LPP: variants seen among roughly 807,000 people sequenced by gnomAD.
The protein encoded by LPP is LIM domain containing preferred translocation partner in lipoma.
In LPP, 38 loss-of-function variants were observed where a neutral mutation model predicts 60.4. The observed-to-expected ratio is 0.63, with a 90% CI of 0.49 to 0.83. LPP has a LOEUF of 0.83. LPP is among the 40% of genes least tolerant of loss of function. The probability of loss-of-function intolerance (pLI) is 0.00; values close to 1 mark genes in which losing one functional copy is unlikely to be tolerated. For synonymous variants in LPP, 328 were observed against 290.8 expected (o/e 1.13, Z -1.30); for missense variants, 902 against 783.6 (o/e 1.15, Z -1.80).
chr3:188,821,858 A>G (rs1032709439), intron 9 of LPP, among the ~76,000 whole-genome samples: 1 of 152,056 alleles, frequency 6.6e-6, no homozygotes, highest in African/African-American at 2.4e-5. Flanking sequence ...TTACATATTA[A>G]TGTTGCAGAC....
intron 7 of LPP, among the ~76,000 whole-genome samples, chr3:188,644,222 A>T (rs1043766520): frequency 3.9e-5 from 6 of 152,224 alleles, no homozygotes; most frequent in African/African-American, 1.4e-4. Context: ...GGTTTGAAAG[A>T]ACAAAAGGAT....
intron 3 of LPP, among the ~76,000 whole-genome samples, chr3:188,372,919 C>T (rs1013922665): frequency 2.0e-5 from 3 of 152,106 alleles, no homozygotes; most frequent in South Asian, 4.2e-4. Context: ...CATGTGTTCT[C>T]ATTGTTCAAT....
chr3:188,318,550 G>A (rs1755832931), intron 2 of LPP, among the ~76,000 whole-genome samples: 1 of 151,916 alleles, frequency 6.6e-6, no homozygotes, highest in Non-Finnish European at 1.5e-5. Context: ...TGTAAACTCG[G>A]CTCATATAAT....
intron 9 of LPP, among the ~76,000 whole-genome samples, chr3:188,786,080 A>C (rs1337306337): frequency 6.6e-6 from 1 of 152,062 alleles, no homozygotes; most frequent in Admixed American, 6.6e-5. Flanking sequence ...AGTGCTAATG[A>C]TATTAAACAT....
In LPP at chr3:188,875,602, G is replaced by A. The variant is rs1011128934; in HGVS notation, c.*1123G>A. 1.5e-5 allele frequency: 3 copies of A among 206,730 alleles called. No individual in the cohort carries two copies. Among genetic ancestry groups the A allele is most frequent in the Non-Finnish European group, 2.0e-5 (2 of 101,202 alleles). The allele number at this position is 206,730 out of a possible 1,614,324, so 12.8% of individuals were successfully genotyped here. ...AGCTTGAAAAGATTCTGAAACCACAGTTTCATTATTCTCATAATCCTTCTG... is the reference window on the plus strand; with the variant it reads ...AGCTTGAAAAGATTCTGAAACCACAATTTCATTATTCTCATAATCCTTCTG... On this transcript the variant is annotated 3_prime_UTR_variant, in exon 12 of 12. Coordinates refer to ENST00000617246, the MANE Select transcript of LPP (RefSeq NM_001375462.1).
chr3:188,241,474 A>G (rs1251576817), intron 2 of LPP, among the ~76,000 whole-genome samples: 1 of 152,138 alleles, frequency 6.6e-6, no homozygotes, highest in Non-Finnish European at 1.5e-5. Context: ...TGGGGGAGAA[A>G]AAGTCATCAG....
chr3:188,748,758 G>T (rs1004955811), intron 8 of LPP, among the ~76,000 whole-genome samples: 6 of 152,142 alleles, frequency 3.9e-5, no homozygotes, highest in Admixed American at 1.3e-4. Flanking sequence ...ACTCCAGCTT[G>T]GGCAACAAGA....
intron 5 of LPP, among the ~76,000 whole-genome samples, chr3:188,499,153 A>G (rs533394424): frequency 3.9e-5 from 6 of 152,184 alleles, no homozygotes; most frequent in South Asian, 2.1e-4. Flanking sequence ...ATGAAATTCA[A>G]TTTGTCTCTT....
chr3:188,315,360 G>A (rs1215192741), intron 2 of LPP, among the ~76,000 whole-genome samples: 1 of 151,732 alleles, frequency 6.6e-6, no homozygotes, highest in Non-Finnish European at 1.5e-5. Context: ...TTATGTGTTG[G>A]CTCTACCACT....
At chr3:188,545,570 C>T (rs1826411571) in intron 6 of LPP, among the ~76,000 whole-genome samples, 1 of 151,984 alleles carries the variant, frequency 6.6e-6, no homozygotes, top group Non-Finnish European at 1.5e-5. Flanking sequence ...CCATGTGCCT[C>T]GATTTGGGTG....
At chr3:188,657,954 C>A (rs1853672733) in intron 7 of LPP, among the ~76,000 whole-genome samples, 1 of 152,094 alleles carries the variant, frequency 6.6e-6, no homozygotes, top group Admixed American at 6.6e-5. Flanking sequence ...AATGGTGCAG[C>A]TCAGATATGT....
At chr3:188,601,151 T>C (rs1841081786) in intron 6 of LPP, among the ~76,000 whole-genome samples, 2 of 152,200 alleles carry the variant, frequency 1.3e-5, no homozygotes, top group Non-Finnish European at 2.9e-5. Flanking sequence ...AGATTATTGA[T>C]ATATTTTGAA....
chr3:188,403,072 C>T (rs1782624615), intron 3 of LPP, among the ~76,000 whole-genome samples: 1 of 152,138 alleles, frequency 6.6e-6, no homozygotes, highest in Middle Eastern at 3.2e-3. Context: ...AGAGAAGATA[C>T]TGAGGAGGAC....
intron 7 of LPP, among the ~76,000 whole-genome samples, chr3:188,647,630 T>C (rs1851358074): frequency 6.6e-6 from 1 of 152,128 alleles, no homozygotes; most frequent in Non-Finnish European, 1.5e-5. Flanking sequence ...TTCACATTAG[T>C]CCTGGCTATT....
intron 9 of LPP, among the ~76,000 whole-genome samples, chr3:188,783,303 T>A (rs1265646268): frequency 1.3e-5 from 2 of 152,138 alleles, no homozygotes; most frequent in Non-Finnish European, 2.9e-5. Context: ...TGGAATCAAC[T>A]TAAATGCCCA....
At chr3:188,265,139 T>G (rs1237577125) in intron 2 of LPP, among the ~76,000 whole-genome samples, 1 of 152,248 alleles carries the variant, frequency 6.6e-6, no homozygotes, top group Non-Finnish European at 1.5e-5. Flanking sequence ...TTTAGAGGTT[T>G]AGCACGAATT....
At chr3:188,249,829 TACACACAC>T (rs61215623) in intron 2 of LPP, among the ~76,000 whole-genome samples, 63 of 111,204 alleles carry the variant, frequency 5.7e-4, no homozygotes, top group African/African-American at 1.8e-3. Flanking sequence ...TTTCTCTGTC[TACACACAC>T]ACACACACAC....
intron 6 of LPP, among the ~76,000 whole-genome samples, chr3:188,570,031 T>TC (rs1159786875): frequency 1.3e-5 from 2 of 151,824 alleles, no homozygotes; most frequent in African/African-American, 4.8e-5. Flanking sequence ...GGCTTTTTTT[T>TC]TTTTTGAGTA....
At chr3:188,802,798 A>G (rs998359571) in intron 9 of LPP, among the ~76,000 whole-genome samples, 2 of 152,232 alleles carry the variant, frequency 1.3e-5, no homozygotes, top group African/African-American at 4.8e-5. Flanking sequence ...AGAAAAAAAA[A>G]AGCTTTAAAA....
Sources: gnomAD v4.1 joint callset for allele counts (sites outside exome capture counted in the v4.1 genomes callset) on GRCh38, gnomAD v4.1.1 for gene constraint, MANE v1.5 for transcripts, NCBI Gene and HGNC (gene_info 2026-07-23, HGNC 2026-07-21) for gene names.